Variants in TBC1D16 observed in about 807,000 individuals in gnomAD.
TBC1D16 encodes the protein TBC1 domain family member 16.
In TBC1D16, 58 loss-of-function variants were observed where a neutral mutation model predicts 74.7. That is an observed-to-expected ratio of 0.78 (90% CI 0.63 to 0.97). The LOEUF (loss-of-function observed/expected upper bound fraction) is 0.97, where lower values mean the gene tolerates loss of function less well. Ranked by LOEUF, TBC1D16 falls within the 50% of genes least tolerant of loss-of-function variation. The pLI is 0.00. For missense variants in TBC1D16, 1,014 were observed against 1,079.5 expected (o/e 0.94, Z 0.85); for synonymous variants, 493 against 474.7 (o/e 1.04, Z -0.50).
At position 79,941,531 on chromosome 17, in the gene TBC1D16, G is replaced by C. The variant is rs1407168719; in HGVS notation, c.2056-424C>G. On this transcript the variant is annotated intron_variant, in intron 11 of 11. Coordinates refer to ENST00000310924, the MANE Select transcript of TBC1D16 (RefSeq NM_019020.4). The surrounding 1 kb of genome is among the most constrained non-coding windows in gnomAD (Gnocchi z 4.3). ...GCCTCTCAGCTCCTGCAGGATCTGT[G>C]TCCTGTGCCAGAGGACACCACCGAC... Among the ~76,000 whole-genome samples the C allele has an allele frequency of 1.3e-5, 2 of 151,912 alleles. No individual in the cohort carries two copies. The highest frequency in any genetic ancestry group is 2.9e-5 in the Non-Finnish European group (2 of 67,978).
chr17:80,010,683 G>T lies in TBC1D16; in HGVS notation c.256C>A (p.Arg86Ser). 1 of 1,524,362 alleles carries T rather than the reference G, an allele frequency of 6.6e-7. No homozygotes were observed. Among genetic ancestry groups the T allele is most frequent in the South Asian group, 1.3e-5 (1 of 75,446 alleles). 94.4% of individuals were successfully genotyped at this position (1,524,362 alleles called of 1,614,324 possible). Residue 86 changes from arginine to serine, a missense_variant, in exon 3 of 12, where the codon CGC (arginine) becomes AGC (serine). Transcript: ENST00000310924. The surrounding 1 kb of genome is among the most constrained non-coding windows in gnomAD (Gnocchi z 8.8). ...TLILAWVPNS[R>S]IQRQDEEALR... The stretch of plus-strand genomic sequence containing the variant: ...GCCTCCTCGTCCTGCCTCTGGATGC[G>T]AGAGTTGGGGACCCATGCCAGGATG...
intron 1 of TBC1D16, among the ~76,000 whole-genome samples, chr17:80,026,555 A>T (rs2036588727): frequency 6.7e-6 from 1 of 149,932 alleles, no homozygotes; most frequent in African/African-American, 2.5e-5. Flanking sequence ...AGTTGTGTGG[A>T]CCAATGCCGA....
Position 79,947,690 on chromosome 17 carries a change from C to A in TBC1D16, c.1683G>T (p.Thr561=). 6.2e-7 allele frequency: 1 copy of A among 1,614,140 alleles called. No individual in the cohort carries two copies. The highest frequency in any genetic ancestry group is 8.5e-7 in the Non-Finnish European group (1 of 1,180,032). ...CGTCCCGGGGTGAGCTGACGAAGAT[C>A]GTGTTCTGCATCAAACCCACAAAGC... The part of the protein sequence containing the change: ...FWCFVGLMQN[T]IFVSSPRDED... Residue 561 remains threonine (T), a synonymous_variant, in exon 9 of 12, where the codon ACG becomes ACT. Coordinates refer to ENST00000310924, the MANE Select transcript of TBC1D16 (RefSeq NM_019020.4).
intron 3 of TBC1D16, among the ~76,000 whole-genome samples, chr17:79,965,420 A>C (rs747073204): frequency 1.6e-4 from 25 of 152,220 alleles, no homozygotes; most frequent in Non-Finnish European, 3.1e-4. Flanking sequence ...TGTTTCTTTT[A>C]ATATTATAAA....
At position 80,010,372 on chromosome 17, in the gene TBC1D16, C is replaced by G. The variant is rs567303828; in HGVS notation, c.567G>C (p.Thr189=). 9.3e-6 allele frequency: 15 copies of G among 1,612,178 alleles called. No homozygotes were observed. The highest frequency in any genetic ancestry group is 1.0e-5 in the Non-Finnish European group (12 of 1,179,328). ...PACSPSGILS[T]VSPQDVTEEG... is the part of the protein sequence containing the mutation. The stretch of plus-strand genomic sequence containing the variant: ...CCTCGGTGACATCCTGCGGACTGAC[C>G]GTCGACAAGATCCCGGAGGGGCTGC... The change falls in exon 3 of 12, where the codon ACG becomes ACC. Residue 189 remains threonine, a synonymous_variant. Transcript: ENST00000310924. The surrounding 1 kb of genome is among the most constrained non-coding windows in gnomAD (Gnocchi z 8.8).
intron 3 of TBC1D16, among the ~76,000 whole-genome samples, chr17:80,006,133 T>G (rs1316470787): frequency 6.6e-6 from 1 of 152,178 alleles, no homozygotes; most frequent in Admixed American, 6.5e-5. Flanking sequence ...TGGCCAGTCA[T>G]CTGGGGTCCT....
intron 3 of TBC1D16, among the ~76,000 whole-genome samples, chr17:79,998,824 A>C (rs2035374806): frequency 6.6e-6 from 1 of 152,220 alleles, no homozygotes; most frequent in Non-Finnish European, 1.5e-5. Flanking sequence ...CGTATGAATG[A>C]AGTGGTTACA....
rs1491501708 is a variant in TBC1D16 at position 79,936,904 on chromosome 17, A to ATGTGTGTGTGTGTGTG, written c.*3954_*3955insCACACACACACACACA. The stretch of plus-strand genomic sequence containing the variant: ...TGTGTGTGCATGCGTGCGTGTGTGC[A>ATGTGTGTGTGTGTGTG]TGTGCGTGTGTGTGTGTGTGTGTGT... On this transcript the variant is annotated 3_prime_UTR_variant, in exon 12 of 12. Coordinates refer to ENST00000310924, the MANE Select transcript of TBC1D16 (RefSeq NM_019020.4). 2 of 68,838 alleles carry ATGTGTGTGTGTGTGTG rather than the reference A, an allele frequency of 2.9e-5. No individual in the cohort carries two copies. The highest frequency in any genetic ancestry group is 9.8e-5 in the African/African-American group (2 of 20,316). The allele number at this position is 68,838 out of a possible 1,614,324, so 4.3% of individuals were successfully genotyped here.
Position 79,944,066 on chromosome 17 carries a change from C to T in TBC1D16, c.1908+842G>A, listed in dbSNP as rs1187027879. The T allele has an allele frequency of 6.5e-7, 1 of 1,536,024 alleles. No homozygotes were observed. Among genetic ancestry groups the T allele is most frequent in the South Asian group, 1.2e-5 (1 of 84,062 alleles). ...ATGCAAAGGCGGCGTGTGGTACCGG[C>T]ACTCGGTGGCTTCAGACTCGCTTTC... On this transcript the variant is annotated intron_variant, in intron 10 of 11. Coordinates refer to ENST00000310924, the MANE Select transcript of TBC1D16 (RefSeq NM_019020.4). This position sits in a 1 kb window ranked among gnomAD's most constrained non-coding sequence, Gnocchi z 7.7.
chr17:79,942,316 T>A, intron 10 of TBC1D16, 110 bp from the exon 11 acceptor site: 1 of 1,234,376 alleles, frequency 8.1e-7, no homozygotes, highest in Non-Finnish European at 1.1e-6. Context: ...GCGAGGGGTC[T>A]GGGCTCACAG....
At chr17:79,969,511 C>T (rs936773183) in intron 3 of TBC1D16, among the ~76,000 whole-genome samples, 5 of 152,168 alleles carry the variant, frequency 3.3e-5, no homozygotes, top group Admixed American at 2.0e-4. Context: ...CTAGAGAAAT[C>T]GGAACCCTCA....
intron 3 of TBC1D16, among the ~76,000 whole-genome samples, chr17:79,991,671 A>G (rs902757515): frequency 3.0e-4 from 38 of 127,272 alleles, no homozygotes; most frequent in Non-Finnish European, 5.1e-4. Flanking sequence ...GCGCGCAGGC[A>G]GTGCTGCCCT....
chr17:80,031,975 G>T (rs34413811), intron 1 of TBC1D16, among the ~76,000 whole-genome samples: 18,405 of 152,186 alleles, frequency 0.12, 1,411 homozygotes, highest in East Asian at 0.26. Context: ...CAACACAACT[G>T]ATCTTGCTTT....
chr17:80,008,679 G>A lies in TBC1D16; in HGVS notation c.779+1481C>T, dbSNP rs966923239. Among the ~76,000 whole-genome samples the A allele has an allele frequency of 1.2e-4, 18 of 152,146 alleles. No individual in the cohort carries two copies. The highest frequency in any genetic ancestry group is 2.4e-4 in the African/African-American group (10 of 41,424). ...CTCCTCGGGTTCCCTGGCGCCTGAC[G>A]CCACCCAGCTCAGCAAGCCTCCTGG... On this transcript the variant is annotated intron_variant, in intron 3 of 11. Transcript: ENST00000310924. This position sits in a 1 kb window ranked among gnomAD's most constrained non-coding sequence, Gnocchi z 4.5.
intron 1 of TBC1D16, among the ~76,000 whole-genome samples, chr17:80,015,553 C>A (rs1181468947): frequency 1.3e-5 from 2 of 152,196 alleles, no homozygotes; most frequent in Admixed American, 1.3e-4. Flanking sequence ...GCCGGCTTCA[C>A]AAAAGTCTGC....
chr17:80,003,207 C>T (rs1005329494), intron 3 of TBC1D16, among the ~76,000 whole-genome samples: 21 of 152,232 alleles, frequency 1.4e-4, no homozygotes, highest in African/African-American at 4.1e-4. Context: ...CGCGCCAACC[C>T]GCTTGGACTG....
At chr17:79,943,327 T>C (rs1392387478) in intron 10 of TBC1D16, among the ~76,000 whole-genome samples, 1 of 152,108 alleles carries the variant, frequency 6.6e-6, no homozygotes. Flanking sequence ...CCAGCTTCTC[T>C]GGGAGAGGAA....
At chr17:80,013,248 C>T (rs1257901282) in intron 2 of TBC1D16, 119 bp downstream of exon 2, 4 of 983,566 alleles carry the variant, frequency 4.1e-6, no homozygotes, top group Non-Finnish European at 5.8e-6. Context: ...CTGTTAGTTA[C>T]ACGTTCTGGA....
chr17:80,031,321 A>T (rs1235266026), intron 1 of TBC1D16, among the ~76,000 whole-genome samples: 2 of 152,356 alleles, frequency 1.3e-5, no homozygotes, highest in African/African-American at 4.8e-5. Flanking sequence ...CACAGAAGCC[A>T]CATTCAGGAT....
Sources: gnomAD v4.1 joint callset for allele counts (sites outside exome capture counted in the v4.1 genomes callset) on GRCh38, gnomAD v4.1.1 for gene constraint, Gnocchi (gnomAD v3.1) non-coding constraint, MANE v1.5 for transcripts, NCBI Gene and HGNC (gene_info 2026-07-23, HGNC 2026-07-21) for gene names.